Variants in MACROD2 observed in about 807,000 individuals in gnomAD.
MACROD2 encodes ADP-ribose glycohydrolase MACROD2.
A neutral mutation model predicts 70.4 loss-of-function variants in MACROD2; 36 were observed. That is an observed-to-expected ratio of 0.51 (90% CI 0.39 to 0.68). The LOEUF is 0.68. Among genes scored for constraint, MACROD2 ranks in the 30% least tolerant of loss-of-function variants. The pLI is 0.00. For missense variants in MACROD2, 496 were observed against 538.4 expected, an observed-to-expected ratio of 0.92 and a Z score of 0.78; for synonymous variants, 172 against 178.8, an observed-to-expected ratio of 0.96 and a Z score of 0.30.
chr20:14,922,205 G>C (rs1332453548), intron 5 of MACROD2, among the ~76,000 whole-genome samples: 1 of 152,136 alleles, frequency 6.6e-6, no homozygotes, highest in African/African-American at 2.4e-5. Context: ...TTTTGTCAAA[G>C]AAAGGTGCTT....
At chr20:16,027,366 A>G (rs6135644) in intron 15 of MACROD2, among the ~76,000 whole-genome samples, 22,558 of 152,204 alleles carry the variant, frequency 0.15, 1,771 homozygotes, top group African/African-American at 0.16. Context: ...AGAACAAATT[A>G]TGCTATTTAG....
At chr20:14,748,530 A>C (rs141753574) in intron 5 of MACROD2, among the ~76,000 whole-genome samples, 1 of 152,112 alleles carries the variant, frequency 6.6e-6, no homozygotes, top group Non-Finnish European at 1.5e-5. Context: ...CCTTTAATGC[A>C]TACCTTTGAC....
chr20:14,032,688 T>C (rs2053259740), intron 2 of MACROD2, among the ~76,000 whole-genome samples: 1 of 152,178 alleles, frequency 6.6e-6, no homozygotes, highest in African/African-American at 2.4e-5. Flanking sequence ...GAGCACTATA[T>C]AAGTTGGCTG....
intron 5 of MACROD2, among the ~76,000 whole-genome samples, chr20:15,114,697 A>T (rs73096081): frequency 0.22 from 32,830 of 152,156 alleles, 4,859 homozygotes; most frequent in Non-Finnish European, 0.33. Context: ...GTCATTTGTC[A>T]CCTAGCAATA....
chr20:15,640,698 C>T (rs548270902), intron 8 of MACROD2, among the ~76,000 whole-genome samples: 173 of 152,338 alleles, frequency 1.1e-3, no homozygotes, highest in African/African-American at 4.1e-3. Context: ...AGATGTGATG[C>T]TGTGCTGGGA....
chr20:15,048,073 G>A (rs549422838), intron 5 of MACROD2, among the ~76,000 whole-genome samples: 1 of 142,250 alleles, frequency 7.0e-6, no homozygotes, highest in East Asian at 1.9e-4. Flanking sequence ...AGAACAGCCC[G>A]GCCAACATGG....
intron 5 of MACROD2, among the ~76,000 whole-genome samples, chr20:14,909,907 C>G (rs1373148686): frequency 6.6e-6 from 1 of 151,958 alleles, no homozygotes; most frequent in Non-Finnish European, 1.5e-5. Flanking sequence ...ATTACAATTT[C>G]TTGAACTAAC....
chr20:14,863,581 A>G (rs779426295), intron 5 of MACROD2, among the ~76,000 whole-genome samples: 2 of 152,126 alleles, frequency 1.3e-5, no homozygotes, highest in Non-Finnish European at 2.9e-5. Context: ...TTCCAGAAAA[A>G]TATAGTTACA....
At chr20:14,216,718 C>T (rs9753755) in intron 3 of MACROD2, among the ~76,000 whole-genome samples, 4,198 of 152,014 alleles carry the variant, frequency 0.028, 59 homozygotes, top group African/African-American at 0.033. Flanking sequence ...AGAGGTCTTT[C>T]GACTCCTTGG....
chr20:15,679,145 G>T (rs1422213682), intron 8 of MACROD2, among the ~76,000 whole-genome samples: 1 of 151,356 alleles, frequency 6.6e-6, no homozygotes, highest in Non-Finnish European at 1.5e-5. Flanking sequence ...GCTAAGGCAG[G>T]AGAATCGCTG....
rs145745271 is a variant in MACROD2, at chr20:14,995,974, G to C, written c.419-233966G>C. 4.9e-3 allele frequency among the ~76,000 whole-genome samples: 740 copies of C among 152,238 alleles called. 6 individuals carry two copies. The highest frequency in any genetic ancestry group is 0.027 in the South Asian group (129 of 4,824). On this transcript the variant is annotated intron_variant, in intron 5 of 17. Coordinates refer to ENST00000684519, the MANE Select transcript of MACROD2 (RefSeq NM_001351661.2). ...ATAAAGGTAAGATAAAAATTTCTGC[G>C]CTGGAAAACAAACACATAATAGAGA...
intron 5 of MACROD2, among the ~76,000 whole-genome samples, chr20:14,911,669 G>T (rs952455456): frequency 5.9e-5 from 9 of 151,974 alleles, no homozygotes; most frequent in African/African-American, 2.2e-4. Flanking sequence ...CACCAGACCT[G>T]GCCAGGGTTC....
At chr20:14,506,637 G>A (rs781443190) in intron 4 of MACROD2, among the ~76,000 whole-genome samples, 4 of 152,106 alleles carry the variant, frequency 2.6e-5, no homozygotes, top group East Asian at 1.9e-4. Flanking sequence ...TTCCAGCACC[G>A]ATAACTTTCA....
intron 9 of MACROD2, among the ~76,000 whole-genome samples, chr20:15,880,305 T>C (rs1232109106): frequency 6.6e-6 from 1 of 152,044 alleles, no homozygotes; most frequent in East Asian, 1.9e-4. Context: ...TTTATTTCCT[T>C]AAAAACATCT....
intron 8 of MACROD2, among the ~76,000 whole-genome samples, chr20:15,774,200 A>C (rs143927300): frequency 7.2e-5 from 11 of 152,140 alleles, no homozygotes; most frequent in Non-Finnish European, 1.6e-4. Flanking sequence ...TAATGGAGGT[A>C]TTAACTGGTG....
intron 5 of MACROD2, among the ~76,000 whole-genome samples, chr20:14,913,558 A>G (rs1350069261): frequency 6.6e-6 from 1 of 152,100 alleles, no homozygotes; most frequent in Non-Finnish European, 1.5e-5. Flanking sequence ...GTGGTGACAC[A>G]TGCCTGTAGT....
At chr20:14,044,532 A>T (rs191450235) in intron 2 of MACROD2, among the ~76,000 whole-genome samples, 5 of 152,136 alleles carry the variant, frequency 3.3e-5, no homozygotes, top group African/African-American at 9.6e-5. Context: ...GGTGTGTTTT[A>T]CAGAGAGCTG....
intron 5 of MACROD2, among the ~76,000 whole-genome samples, chr20:14,932,003 T>TAAAA (rs11483683): frequency 1.5e-5 from 2 of 135,894 alleles, no homozygotes; most frequent in South Asian, 4.5e-4. Flanking sequence ...CCCTGTTTCT[T>TAAAA]AAAAAAAAAA....
chr20:14,224,881 A>G lies in MACROD2; in HGVS notation c.271+139153A>G, dbSNP rs539707876. On this transcript the variant is annotated intron_variant, in intron 3 of 17. Transcript: ENST00000684519. The stretch of plus-strand genomic sequence containing the variant: ...ACTGTTGTGAATAGCTGTCTGTAGA[A>G]TTGCTACCATGGTGCTTGAATCCTT... 7.9e-5 allele frequency among the ~76,000 whole-genome samples: 12 copies of G among 152,292 alleles called. No homozygotes were observed. The South Asian group carries it at 8.3e-4, about 11-fold the overall frequency.
Sources: gnomAD v4.1 joint callset for allele counts (sites outside exome capture counted in the v4.1 genomes callset) on GRCh38, gnomAD v4.1.1 for gene constraint, MANE v1.5 for transcripts, NCBI Gene and HGNC (gene_info 2026-07-23, HGNC 2026-07-21) for gene names.